Variants in DLG1 observed in about 807,000 individuals in gnomAD.
DLG1 encodes the protein discs large MAGUK scaffold protein 1.
In DLG1, 42 loss-of-function variants were observed where a neutral mutation model predicts 123.4. The observed-to-expected ratio is 0.34, with a 90% CI of 0.27 to 0.44. The LOEUF (loss-of-function observed/expected upper bound fraction) is 0.44, where lower values mean the gene tolerates loss of function less well. Among genes scored for constraint, DLG1 ranks in the 20% least tolerant of loss-of-function variants. The pLI, the probability that DLG1 is intolerant of heterozygous loss-of-function variation, is 1.00. For missense variants in DLG1, 942 were observed against 1,082.6 expected (o/e 0.87, Z 1.82); for synonymous variants, 317 against 356.2 (o/e 0.89, Z 1.24).
chr3:197,179,132 G>A (rs961835680), intron 5 of DLG1, among the ~76,000 whole-genome samples: 4 of 152,152 alleles, frequency 2.6e-5, no homozygotes, highest in African/African-American at 7.2e-5. Flanking sequence ...GAAGTTTAAC[G>A]TGCAGTCTGC....
intron 11 of DLG1, among the ~76,000 whole-genome samples, chr3:197,127,634 C>A (rs914293872): frequency 1.3e-5 from 2 of 150,608 alleles, no homozygotes; most frequent in Non-Finnish European, 3.0e-5. Context: ...TACCTAAGAG[C>A]AAAGAAAATC....
At chr3:197,119,655 T>A in intron 11 of DLG1, 125 bp from the exon 12 acceptor site, 1 of 1,005,504 alleles carries the variant, frequency 9.9e-7, no homozygotes, top group Non-Finnish European at 1.3e-6. Flanking sequence ...TAGAGAAGAT[T>A]TACTCATCAG....
intron 4 of DLG1, among the ~76,000 whole-genome samples, chr3:197,214,917 G>T (rs1202987257): frequency 1.3e-5 from 2 of 152,044 alleles, no homozygotes; most frequent in Non-Finnish European, 2.9e-5. Context: ...CTTTTATCTG[G>T]GCATACCCAC....
At chr3:197,173,172 C>T (rs1443880247) in intron 5 of DLG1, among the ~76,000 whole-genome samples, 1 of 152,050 alleles carries the variant, frequency 6.6e-6, no homozygotes, top group African/African-American at 2.4e-5. Context: ...TTAAAGTTAC[C>T]AACCCTCTAG....
At chr3:197,063,857 A>G (rs60144041) in intron 22 of DLG1, among the ~76,000 whole-genome samples, 3,330 of 152,188 alleles carry the variant, frequency 0.022, 106 homozygotes, top group African/African-American at 0.074. Context: ...TCTCACCAAG[A>G]AAATGTCTTC....
At chr3:197,278,766 C>G (rs532777670) in intron 4 of DLG1, among the ~76,000 whole-genome samples, 181 of 151,572 alleles carry the variant, frequency 1.2e-3, no homozygotes, top group African/African-American at 4.2e-3. Flanking sequence ...AACTGGATAG[C>G]TGCTTTAAAG....
At chr3:197,201,810 G>GA (rs1032269444) in intron 4 of DLG1, among the ~76,000 whole-genome samples, 5 of 150,836 alleles carry the variant, frequency 3.3e-5, no homozygotes, top group African/African-American at 7.3e-5. Context: ...CACAGAAGCA[G>GA]AAAAAAAAAT....
At chr3:197,217,262 AGAT>A (rs1734585588) in intron 4 of DLG1, among the ~76,000 whole-genome samples, 1 of 152,228 alleles carries the variant, frequency 6.6e-6, no homozygotes, top group African/African-American at 2.4e-5. Flanking sequence ...GAAAGGAAAC[AGAT>A]GATACAAAAA....
Position 197,104,967 on chromosome 3 carries a change from C to A in DLG1, c.1482G>T (p.Gln494His), listed in dbSNP as rs755582939. 8 of 1,613,296 alleles carry A rather than the reference C, an allele frequency of 5.0e-6. No homozygotes were observed. In the East Asian group the frequency reaches 1.8e-4, roughly 36 times the overall value. ...SVDLRAASHE[Q>H]AAAALKNAGQ... The stretch of plus-strand genomic sequence containing the variant: ...CAGCATTTTTCAATGCAGCTGCTGC[C>A]TGCTCATGACTAGCAGCTCTGAGGT... Residue 494 changes from glutamine (Q) to histidine (H), a missense_variant, in exon 14 of 25, where the codon CAG (glutamine) becomes CAT (histidine). Gln to His is a conservative substitution (Grantham distance 24, BLOSUM62 0). Transcript: ENST00000667157.
At chr3:197,238,824 A>G (rs1747368610) in intron 4 of DLG1, among the ~76,000 whole-genome samples, 1 of 152,232 alleles carries the variant, frequency 6.6e-6, no homozygotes, top group African/African-American at 2.4e-5. Context: ...TATGGTATAA[A>G]GTGAAAGCAG....
chr3:197,219,452 T>C (rs551272398), intron 4 of DLG1, among the ~76,000 whole-genome samples: 31 of 152,338 alleles, frequency 2.0e-4, no homozygotes, highest in Admixed American at 1.8e-3. Flanking sequence ...TTTACAAAAA[T>C]GTGATATATC....
rs556432443 is a variant in DLG1 at position 197,158,216 on chromosome 3, G to A, written c.484-8420C>T. The stretch of plus-strand genomic sequence containing the variant: ...CACAAATGCAAGTCAAAACTACAAT[G>A]AGATGTCACCTCACACCCACTAGCC... On this transcript the variant is annotated intron_variant, in intron 5 of 24. Transcript: ENST00000667157. 2.1e-4 allele frequency among the ~76,000 whole-genome samples: 32 copies of A among 152,286 alleles called. 1 individual carries two copies. The highest frequency in any genetic ancestry group is 1.5e-3 in the South Asian group (7 of 4,826).
At chr3:197,152,030 A>G (rs1794118795) in intron 5 of DLG1, among the ~76,000 whole-genome samples, 1 of 152,212 alleles carries the variant, frequency 6.6e-6, no homozygotes, top group African/African-American at 2.4e-5. Context: ...ACTATACACA[A>G]TGGTATATAA....
chr3:197,147,222 A>G (rs1791259066), intron 6 of DLG1, among the ~76,000 whole-genome samples: 2 of 152,202 alleles, frequency 1.3e-5, no homozygotes, highest in South Asian at 4.1e-4. Context: ...ACTATGGAAA[A>G]CAGTACAGAG....
intron 1 of DLG1, 170 bp from the exon 2 acceptor site, chr3:197,297,405 C>T: frequency 7.0e-7 from 1 of 1,430,990 alleles, no homozygotes; most frequent in Non-Finnish European, 9.1e-7. Context: ...ACGTGGAAAG[C>T]TTTTCCTTGG....
chr3:197,266,773 A>T lies in DLG1; in HGVS notation c.318+15906T>A, dbSNP rs570254918. 2.0e-5 allele frequency among the ~76,000 whole-genome samples: 3 copies of T among 152,318 alleles called. No homozygotes were observed. The South Asian group carries it at 6.2e-4, about 32-fold the overall frequency. The stretch of plus-strand genomic sequence containing the variant: ...AGCAACAGCAATTGTCTAAAATTTA[A>T]CATACCAACGAAAAAGACTGAAAAA... On this transcript the variant is annotated intron_variant, in intron 4 of 24. Coordinates refer to ENST00000667157, the MANE Select transcript of DLG1 (RefSeq NM_001366207.1).
intron 4 of DLG1, among the ~76,000 whole-genome samples, chr3:197,265,756 A>G (rs1483607770): frequency 6.6e-6 from 1 of 152,224 alleles, no homozygotes; most frequent in African/African-American, 2.4e-5. Flanking sequence ...GTCCCACTGA[A>G]AAAGCTTAAA....
Position 197,043,894 on chromosome 3 carries a change from C to T in DLG1, c.*729G>A, listed in dbSNP as rs899354310. On this transcript the variant is annotated 3_prime_UTR_variant, in exon 25 of 25. Transcript: ENST00000667157. The stretch of plus-strand genomic sequence containing the variant: ...CTTCCTTAGCACCTGAACATGGCCT[C>T]AATTCACGAAATGTGATGATCATTT... The T allele has an allele frequency of 6.6e-6, 1 of 152,096 alleles. No individual in the cohort carries two copies. The highest frequency in any genetic ancestry group is 2.4e-5 in the African/African-American group (1 of 41,426). The allele number at this position is 152,096 out of a possible 1,614,324, so 9.4% of individuals were successfully genotyped here.
rs1753914731 is a variant in DLG1, at chr3:197,085,658, T to G, written c.1760A>C (p.Asp587Ala). ...CTGCCTGGCTTGCCACCATTCATCATCAGAAGCATTAATAACATGGAGGAT... is the reference window on the plus strand; with the variant it reads ...CTGCCTGGCTTGCCACCATTCATCAGCAGAAGCATTAATAACATGGAGGAT... The part of the protein sequence containing the change: ...GDILHVINAS[D>A]DEWWQARQVT... Residue 587 changes from aspartate to alanine, a missense_variant, in exon 16 of 25, where the codon GAT becomes GCT. By Grantham distance (126) the Asp-to-Ala change is moderately radical (BLOSUM62 -2). Coordinates refer to ENST00000667157, the MANE Select transcript of DLG1 (RefSeq NM_001366207.1). The G allele has an allele frequency of 6.2e-7, 1 of 1,614,012 alleles. No individual in the cohort carries two copies. Among genetic ancestry groups the G allele is most frequent in the Non-Finnish European group, 8.5e-7 (1 of 1,179,992 alleles).
Sources: gnomAD v4.1 joint callset for allele counts (sites outside exome capture counted in the v4.1 genomes callset) on GRCh38, gnomAD v4.1.1 for gene constraint, MANE v1.5 for transcripts, NCBI Gene and HGNC (gene_info 2026-07-23, HGNC 2026-07-21) for gene names.